Variants in ATP8B1 observed in about 807,000 individuals in gnomAD.
ATP8B1 encodes phospholipid-transporting ATPase IC.
A neutral mutation model predicts 149.9 loss-of-function variants in ATP8B1; 80 were observed. The ratio of observed to expected loss-of-function variants is 0.53; its 90% CI spans 0.45 to 0.64. The LOEUF is 0.64. ATP8B1 is among the 30% of genes least tolerant of loss of function. The probability of loss-of-function intolerance (pLI) is 0.00; values close to 1 mark genes in which losing one functional copy is unlikely to be tolerated. For missense variants in ATP8B1, 1,247 were observed against 1,552.6 expected, an observed-to-expected ratio of 0.80 and a Z score of 3.31; for synonymous variants, 536 against 562.8, an observed-to-expected ratio of 0.95 and a Z score of 0.67.
intron 1 of ATP8B1, among the ~76,000 whole-genome samples, chr18:57,777,470 T>C (rs1226396553): frequency 6.6e-6 from 1 of 152,248 alleles, no homozygotes; most frequent in African/African-American, 2.4e-5. Context: ...AGATGATTTC[T>C]AAAAAGATAA....
chr18:57,679,972 A>G (rs372039272), intron 15 of ATP8B1, among the ~76,000 whole-genome samples: 1 of 151,712 alleles, frequency 6.6e-6, no homozygotes, highest in Non-Finnish European at 1.5e-5. Context: ...GCTCACTCTA[A>G]TTAAGTGACA....
In ATP8B1 at chr18:57,667,103, C is replaced by T. The variant is rs1188337502; in HGVS notation, c.2274G>A (p.Gly758=). The T allele has an allele frequency of 1.2e-6, 2 of 1,612,082 alleles. No homozygotes were observed. The highest frequency in any genetic ancestry group is 2.7e-5 in the African/African-American group (2 of 74,864). ...AGGCTTTTACTCACTTAATATCCTC[C>T]CCATAGCAGATGGTGGTGTCTTCAG... ...LLTEDTTICY[G]EDINSLLHAR... Residue 758 remains glycine (G), a synonymous_variant, in exon 20 of 28, where the codon GGG becomes GGA. Coordinates refer to ENST00000648908, the MANE Select transcript of ATP8B1 (RefSeq NM_001374385.1).
At chr18:57,717,128 T>C in intron 2 of ATP8B1, among the ~76,000 whole-genome samples, 1 of 152,064 alleles carries the variant, frequency 6.6e-6, no homozygotes, top group African/African-American at 2.4e-5. Flanking sequence ...AAACAAATGA[T>C]AATGGAAACA....
chr18:57,718,517 T>C (rs769505296), intron 2 of ATP8B1, among the ~76,000 whole-genome samples: 4 of 152,102 alleles, frequency 2.6e-5, no homozygotes, highest in Non-Finnish European at 5.9e-5. Context: ...AAGGCCAGTA[T>C]TACCCTGATG....
intron 2 of ATP8B1, among the ~76,000 whole-genome samples, chr18:57,718,391 C>T (rs1368072842): frequency 1.3e-5 from 2 of 152,034 alleles, no homozygotes; most frequent in Non-Finnish European, 2.9e-5. Flanking sequence ...AAGAAAATCC[C>T]AGGACCCAAT....
chr18:57,698,641 C>G (rs74503013), intron 6 of ATP8B1, among the ~76,000 whole-genome samples: 1 of 152,160 alleles, frequency 6.6e-6, no homozygotes, highest in Non-Finnish European at 1.5e-5. Context: ...GGCCGGTTAA[C>G]TTCTTAATTG....
intron 26 of ATP8B1, 26 bp from the exon 27 acceptor site, chr18:57,650,523 A>G (rs1568177801): frequency 6.2e-7 from 1 of 1,609,730 alleles, no homozygotes; most frequent in Non-Finnish European, 8.5e-7. Flanking sequence ...CAAATGCATC[A>G]CTGTGGTTCT....
At chr18:57,731,876 AG>A in intron 1 of ATP8B1, 44 bp from the exon 2 acceptor site, 1 of 1,587,696 alleles carries the variant, frequency 6.3e-7, no homozygotes, top group Non-Finnish European at 8.6e-7. Flanking sequence ...ACTCTTGCCC[AG>A]TTTTTGGTTG....
chr18:57,681,442 C>T (rs1303482218), intron 15 of ATP8B1, among the ~76,000 whole-genome samples: 2 of 152,102 alleles, frequency 1.3e-5, no homozygotes, highest in Admixed American at 6.6e-5. Flanking sequence ...CCTACAGAAC[C>T]GTAAGCTAAT....
chr18:57,675,864 C>A (rs1442579433), intron 15 of ATP8B1, among the ~76,000 whole-genome samples: 1 of 152,160 alleles, frequency 6.6e-6, no homozygotes, highest in Non-Finnish European at 1.5e-5. Flanking sequence ...CGCCACCACA[C>A]CTGGCTAATT....
intron 1 of ATP8B1, among the ~76,000 whole-genome samples, chr18:57,776,981 C>CT (rs781610628): frequency 0.035 from 4,813 of 138,702 alleles, 223 homozygotes; most frequent in African/African-American, 0.1. Flanking sequence ...TTTTCTCAGG[C>CT]TTTTTTTTTT....
At position 57,701,331 on chromosome 18, in the gene ATP8B1, C is replaced by A; in HGVS notation, c.394-18G>T. On this transcript the variant is annotated intron_variant, in intron 4 of 27. Transcript: ENST00000648908. ...GGAACTGCCTAAAAGAATAAAAGGGCTTATGTGTGTGTCCATGAAGGCATA... is the reference window on the plus strand; with the variant it reads ...GGAACTGCCTAAAAGAATAAAAGGGATTATGTGTGTGTCCATGAAGGCATA... 6.2e-7 allele frequency: 1 copy of A among 1,601,182 alleles called. No individual in the cohort carries two copies. The highest frequency in any genetic ancestry group is 8.6e-7 in the Non-Finnish European group (1 of 1,168,266).
At chr18:57,709,321 T>C (rs1913575511) in intron 2 of ATP8B1, among the ~76,000 whole-genome samples, 1 of 152,198 alleles carries the variant, frequency 6.6e-6, no homozygotes, top group African/African-American at 2.4e-5. Flanking sequence ...GTGGATTTGC[T>C]TGTACATTAA....
chr18:57,769,999 C>A (rs755409385), intron 1 of ATP8B1, among the ~76,000 whole-genome samples: 9 of 151,784 alleles, frequency 5.9e-5, no homozygotes, highest in African/African-American at 9.7e-5. Flanking sequence ...GCGGTAGAGT[C>A]CAGATTAAAA....
chr18:57,671,569 C>G lies in ATP8B1; in HGVS notation c.1831G>C (p.Glu611Gln). The G allele has an allele frequency of 6.2e-7, 1 of 1,612,666 alleles. No individual in the cohort carries two copies. Among genetic ancestry groups the G allele is most frequent in the Non-Finnish European group, 8.5e-7 (1 of 1,178,708 alleles). ...KRMSIIVRTP[E>Q]GNIKLYCKGA... is the part of the protein sequence containing the mutation. ...TTACAGTAAAGCTTGATATTGCCTT[C>G]TGGGGTTCTTACTGGTAGTAAAAGA... The change falls in exon 17 of 28, where the codon GAA becomes CAA. Residue 611 changes from glutamate (E) to glutamine (Q), a missense_variant. By Grantham distance (29) the Glu-to-Gln change is conservative (BLOSUM62 2). Around this residue, in one of 3 missense-constraint regions of ATP8B1, gnomAD observed 853 missense variants for 1,035.7 expected, o/e 0.82. Coordinates refer to ENST00000648908, the MANE Select transcript of ATP8B1 (RefSeq NM_001374385.1).
intron 12 of ATP8B1, among the ~76,000 whole-genome samples, chr18:57,690,630 G>A (rs1189276609): frequency 6.6e-6 from 1 of 152,050 alleles, no homozygotes; most frequent in Non-Finnish European, 1.5e-5. Context: ...GCTGCCCCAG[G>A]GCTTTCCTTC....
intron 13 of ATP8B1, among the ~76,000 whole-genome samples, chr18:57,685,885 C>G (rs769023503): frequency 6.6e-6 from 1 of 151,700 alleles, no homozygotes; most frequent in Non-Finnish European, 1.5e-5. Context: ...GAGCCAAGAT[C>G]GTGCCACTGC....
chr18:57,714,723 A>G (rs189068328), intron 2 of ATP8B1, among the ~76,000 whole-genome samples: 93 of 152,342 alleles, frequency 6.1e-4, no homozygotes, highest in African/African-American at 2.1e-3. Context: ...TCTGCAAGAA[A>G]TGCAGCGTTA....
rs1036237765 is a variant in ATP8B1, at chr18:57,775,315, C to T, written c.-26+27683G>A. On this transcript the variant is annotated intron_variant, in intron 1 of 27. Transcript: ENST00000648908. ...TGGGTGACAGATGGAGACCCTGTCTCAAAAAAAGAAAAGAGAAAGAGAAGG... is the reference window on the plus strand; with the variant it reads ...TGGGTGACAGATGGAGACCCTGTCTTAAAAAAAGAAAAGAGAAAGAGAAGG... Among the ~76,000 whole-genome samples the T allele has an allele frequency of 4.8e-5, 7 of 144,814 alleles. No homozygotes were observed. The Admixed American group carries it at 4.9e-4, about 10-fold the overall frequency.
Sources: gnomAD v4.1 joint callset for allele counts (sites outside exome capture counted in the v4.1 genomes callset) on GRCh38, gnomAD v4.1.1 for gene constraint, gnomAD v4.1.1 regional missense constraint, MANE v1.5 for transcripts, NCBI Gene and HGNC (gene_info 2026-07-23, HGNC 2026-07-21) for gene names.